CNTNAP2: variants seen among roughly 807,000 people sequenced by gnomAD.
CNTNAP2 encodes contactin associated protein 2.
Under a neutral mutation model 155.2 loss-of-function variants are expected in CNTNAP2, and 98 were observed. That is an observed-to-expected ratio of 0.63 (90% confidence interval 0.54 to 0.75). The LOEUF (loss-of-function observed/expected upper bound fraction) is 0.75, where lower values mean the gene tolerates loss of function less well. CNTNAP2 is among the 30% of genes least tolerant of loss of function. The pLI, the probability that CNTNAP2 is intolerant of heterozygous loss-of-function variation, is 0.00. For missense variants in CNTNAP2, 1,727 were observed against 1,688.1 expected (o/e 1.02, Z -0.40); for synonymous variants, 651 against 631.2 (o/e 1.03, Z -0.47).
At chr7:146,897,012 A>C (rs1005084407) in intron 3 of CNTNAP2, among the ~76,000 whole-genome samples, 2 of 152,120 alleles carry the variant, frequency 1.3e-5, no homozygotes. Context: ...ATGATGTCTG[A>C]CAGAGAAACC....
chr7:146,651,066 A>G (rs557955128), intron 1 of CNTNAP2, among the ~76,000 whole-genome samples: 1 of 152,158 alleles, frequency 6.6e-6, no homozygotes, highest in South Asian at 2.1e-4. Flanking sequence ...AAAACAGACT[A>G]TCACACTCTA....
intron 1 of CNTNAP2, among the ~76,000 whole-genome samples, chr7:146,472,577 A>G (rs1054917034): frequency 6.6e-6 from 1 of 152,206 alleles, no homozygotes; most frequent in Non-Finnish European, 1.5e-5. Flanking sequence ...TACCATAAAT[A>G]TGAAAAAGTA....
chr7:147,578,701 T>C (rs1293633387), intron 12 of CNTNAP2, among the ~76,000 whole-genome samples: 1 of 152,060 alleles, frequency 6.6e-6, no homozygotes. Flanking sequence ...TATAAATCAT[T>C]CCTAAAATAA....
chr7:147,206,942 G>C (rs951399067), intron 8 of CNTNAP2, among the ~76,000 whole-genome samples: 7 of 152,176 alleles, frequency 4.6e-5, no homozygotes, highest in Non-Finnish European at 1.0e-4. Context: ...GAGCAAAGGT[G>C]ACGGAAATTA....
At chr7:146,645,620 A>G (rs769434174) in intron 1 of CNTNAP2, among the ~76,000 whole-genome samples, 1 of 152,150 alleles carries the variant, frequency 6.6e-6, no homozygotes, top group Non-Finnish European at 1.5e-5. Flanking sequence ...GCATAACTGT[A>G]TTCTTTTTAA....
chr7:148,187,109 TACACACACACACACAC>T (rs142565546), intron 18 of CNTNAP2, among the ~76,000 whole-genome samples: 1 of 49,262 alleles, frequency 2.0e-5, no homozygotes, highest in Non-Finnish European at 5.5e-5. Context: ...CAAGGAAACA[TACACACACACACACAC>T]ACACACACAC....
intron 1 of CNTNAP2, among the ~76,000 whole-genome samples, chr7:146,183,802 C>G (rs1298186066): frequency 6.6e-6 from 1 of 152,032 alleles, no homozygotes; most frequent in Non-Finnish European, 1.5e-5. Flanking sequence ...TAATACTCCT[C>G]CCACCTATAA....
chr7:146,752,090 G>A (rs1481433427), intron 1 of CNTNAP2, among the ~76,000 whole-genome samples: 1 of 152,048 alleles, frequency 6.6e-6, no homozygotes, highest in Non-Finnish European at 1.5e-5. Flanking sequence ...AAACATACGT[G>A]TGCATGTGTC....
chr7:146,710,157 T>C (rs572907480), intron 1 of CNTNAP2, among the ~76,000 whole-genome samples: 1 of 151,972 alleles, frequency 6.6e-6, no homozygotes, highest in African/African-American at 2.4e-5. Context: ...AAGAGATGAA[T>C]GAAACATGGA....
intron 17 of CNTNAP2, among the ~76,000 whole-genome samples, chr7:148,149,705 G>T (rs975433970): frequency 3.3e-5 from 5 of 151,908 alleles, no homozygotes; most frequent in African/African-American, 1.2e-4. Context: ...GTGCATGCCA[G>T]TATGCCCAGC....
chr7:148,038,341 A>C (rs1310396376), intron 15 of CNTNAP2, among the ~76,000 whole-genome samples: 1 of 152,130 alleles, frequency 6.6e-6, no homozygotes, highest in Non-Finnish European at 1.5e-5. Flanking sequence ...TACCTTTCCC[A>C]AGCTGCTTCC....
chr7:147,363,085 A>C (rs916711619), intron 9 of CNTNAP2, among the ~76,000 whole-genome samples: 1 of 152,190 alleles, frequency 6.6e-6, no homozygotes. Flanking sequence ...CCTGTGGCTC[A>C]GGTGATAGCA....
intron 8 of CNTNAP2, among the ~76,000 whole-genome samples, chr7:147,277,371 T>A (rs1184791751): frequency 6.6e-6 from 1 of 151,656 alleles, no homozygotes; most frequent in Non-Finnish European, 1.5e-5. Context: ...AGAAGCCAAA[T>A]GAGAACCAAA....
chr7:147,591,868 G>A (rs773245256), intron 12 of CNTNAP2, among the ~76,000 whole-genome samples: 22 of 152,118 alleles, frequency 1.4e-4, no homozygotes, highest in Non-Finnish European at 3.1e-4. Flanking sequence ...ACTATTTGCA[G>A]TTCAGGGCCT....
chr7:146,857,519 T>C (rs1795014066), intron 3 of CNTNAP2, among the ~76,000 whole-genome samples: 1 of 152,196 alleles, frequency 6.6e-6, no homozygotes, highest in Non-Finnish European at 1.5e-5. Context: ...GAAATCTGTA[T>C]TAGTATATTT....
chr7:148,285,254 A>T (rs2116470334), intron 21 of CNTNAP2, among the ~76,000 whole-genome samples: 1 of 152,380 alleles, frequency 6.6e-6, no homozygotes, highest in East Asian at 1.9e-4. Flanking sequence ...AAAAAACAAT[A>T]AAGTGTATTT....
intron 1 of CNTNAP2, among the ~76,000 whole-genome samples, chr7:146,186,050 A>G (rs1485325348): frequency 6.6e-6 from 1 of 152,070 alleles, no homozygotes; most frequent in African/African-American, 2.4e-5. Flanking sequence ...ATTGCGTAAT[A>G]GATGTGTCAG....
chr7:147,894,257 T>C (rs1799740027), intron 13 of CNTNAP2: 6 of 152,228 alleles, frequency 3.9e-5, no homozygotes, highest in Admixed American at 3.3e-4. Context: ...ATATGGATTT[T>C]GTAATCAGAT....
chr7:147,943,839 T>C (rs550807736), intron 14 of CNTNAP2, among the ~76,000 whole-genome samples: 55 of 147,930 alleles, frequency 3.7e-4, no homozygotes, highest in Non-Finnish European at 4.9e-4. Flanking sequence ...ATGAGTCTGC[T>C]TACTCTTACA....
Sources: allele counts gnomAD v4.1 joint callset (sites outside exome capture counted in the v4.1 genomes callset), GRCh38; gene constraint gnomAD v4.1.1; transcripts MANE v1.5; gene names NCBI Gene and HGNC (gene_info 2026-07-23, HGNC 2026-07-21).